The following DEPDC1B variants were observed in gnomAD, a reference collection of about 807,000 sequenced individuals.
DEPDC1B encodes the protein DEP domain containing 1B, also known as DEP domain-containing protein 1B.
In DEPDC1B, 51 loss-of-function variants were observed where a neutral mutation model predicts 66.5. That is an observed-to-expected ratio of 0.77 (90% CI 0.61 to 0.97). The LOEUF is 0.97. Among genes scored for constraint, DEPDC1B ranks in the 50% least tolerant of loss-of-function variants. DEPDC1B has a pLI of 0.00. For synonymous variants in DEPDC1B, 226 were observed against 223.6 expected (o/e 1.01, Z -0.10); for missense variants, 552 against 637.1 (o/e 0.87, Z 1.44).
intron 2 of DEPDC1B, among the ~76,000 whole-genome samples, chr5:60,684,102 GAC>G (rs1252120562): frequency 6.6e-6 from 1 of 151,852 alleles, no homozygotes; most frequent in East Asian, 1.9e-4. Context: ...ATTGAAGAGA[GAC>G]ACAAAAAAAT....
chr5:60,689,514 A>G (rs1300136523), intron 1 of DEPDC1B, among the ~76,000 whole-genome samples: 1 of 152,258 alleles, frequency 6.6e-6, no homozygotes, highest in Non-Finnish European at 1.5e-5. Context: ...TGTATATTCA[A>G]ATCTGTATCT....
intron 9 of DEPDC1B, 81 bp from the exon 10 acceptor site, chr5:60,599,341 A>G (rs1173668616): frequency 8.7e-7 from 1 of 1,146,524 alleles, no homozygotes; most frequent in African/African-American, 1.6e-5. Context: ...CAAATACAGG[A>G]TATCTCCTTG....
At chr5:60,660,085 A>C (rs1202371361) in intron 2 of DEPDC1B, among the ~76,000 whole-genome samples, 1 of 152,152 alleles carries the variant, frequency 6.6e-6, no homozygotes, top group Admixed American at 6.5e-5. Context: ...ATAGTGGCAA[A>C]TGGGGGCAAC....
At chr5:60,699,928 C>A in intron 1 of DEPDC1B, 118 bp downstream of exon 1, 1 of 1,265,126 alleles carries the variant, frequency 7.9e-7, no homozygotes, top group Admixed American at 2.1e-5. Context: ...AGCTGAAATG[C>A]TCCACACCCG....
chr5:60,600,123 G>A (rs867531476), intron 9 of DEPDC1B, among the ~76,000 whole-genome samples: 12 of 152,196 alleles, frequency 7.9e-5, no homozygotes, highest in Non-Finnish European at 4.4e-5. Context: ...TCTGAAGAGT[G>A]TGATTCTCAA....
intron 2 of DEPDC1B, among the ~76,000 whole-genome samples, chr5:60,649,996 T>C (rs775300093): frequency 5.9e-5 from 9 of 152,064 alleles, no homozygotes; most frequent in Middle Eastern, 6.8e-3. Flanking sequence ...CCCATGAAGA[T>C]ACATAGTTAC....
intron 6 of DEPDC1B, among the ~76,000 whole-genome samples, chr5:60,640,626 T>C (rs1753166860): frequency 6.6e-6 from 1 of 152,234 alleles, no homozygotes. Context: ...TTTGCATTTA[T>C]GTAGCCAGCA....
chr5:60,654,418 A>G (rs113356381), intron 2 of DEPDC1B, among the ~76,000 whole-genome samples: 3,625 of 144,494 alleles, frequency 0.025, 151 homozygotes, highest in Non-Finnish European at 0.036. Context: ...TATTGATTTG[A>G]TTCTCAGCTT....
intron 2 of DEPDC1B, among the ~76,000 whole-genome samples, chr5:60,656,446 C>A (rs531794041): frequency 6.6e-6 from 1 of 152,244 alleles, no homozygotes; most frequent in South Asian, 2.1e-4. Context: ...CCGTGCCCAG[C>A]CCCAGTCCAT....
intron 1 of DEPDC1B, among the ~76,000 whole-genome samples, chr5:60,697,494 G>A (rs1754684020): frequency 6.6e-6 from 1 of 152,168 alleles, no homozygotes; most frequent in Non-Finnish European, 1.5e-5. Flanking sequence ...CAAGTAAAAA[G>A]AGGACTAGTC....
intron 10 of DEPDC1B, 22 bp from the exon 11 acceptor site, chr5:60,597,936 G>A: frequency 6.5e-7 from 1 of 1,547,988 alleles, no homozygotes. Flanking sequence ...AATGGTCCAA[G>A]AAGAGTAAAA....
chr5:60,641,108 A>T (rs942122717), intron 6 of DEPDC1B, among the ~76,000 whole-genome samples: 2 of 152,160 alleles, frequency 1.3e-5, no homozygotes, highest in Non-Finnish European at 2.9e-5. Flanking sequence ...GAAGATCATT[A>T]GTAATTCACC....
chr5:60,604,199 A>G (rs1222101069), intron 8 of DEPDC1B, among the ~76,000 whole-genome samples: 1 of 141,266 alleles, frequency 7.1e-6, no homozygotes, highest in African/African-American at 2.5e-5. Flanking sequence ...TAATTTCCAT[A>G]GAATTGAAAT....
At chr5:60,617,825 C>A (rs1203094832) in intron 7 of DEPDC1B, among the ~76,000 whole-genome samples, 4 of 152,196 alleles carry the variant, frequency 2.6e-5, no homozygotes, top group East Asian at 1.9e-4. Flanking sequence ...CCCAAAGCAA[C>A]AGAATATACA....
At chr5:60,610,864 T>G (rs1017433985) in intron 7 of DEPDC1B, among the ~76,000 whole-genome samples, 3 of 152,224 alleles carry the variant, frequency 2.0e-5, no homozygotes, top group Non-Finnish European at 4.4e-5. Flanking sequence ...GCTGAAAGTT[T>G]GTAGATGTTT....
intron 2 of DEPDC1B, among the ~76,000 whole-genome samples, chr5:60,648,596 CA>C (rs1056878397): frequency 6.6e-6 from 1 of 152,114 alleles, no homozygotes; most frequent in African/African-American, 2.4e-5. Flanking sequence ...AATAGAGAAA[CA>C]TTTCAAAAAC....
At chr5:60,667,708 TAA>T (rs1253279153) in intron 2 of DEPDC1B, among the ~76,000 whole-genome samples, 24 of 104,152 alleles carry the variant, frequency 2.3e-4, no homozygotes, top group East Asian at 7.9e-4. Flanking sequence ...TACATGTATA[TAA>T]AATGGATATT....
intron 8 of DEPDC1B, among the ~76,000 whole-genome samples, chr5:60,604,215 A>ATTATTTTTTTTT (rs1323826916): frequency 6.7e-5 from 4 of 60,124 alleles, no homozygotes; most frequent in East Asian, 6.1e-4. Flanking sequence ...GAAATTAACT[A>ATTATTTTTTTTT]TTCTTTTTTT....
intron 2 of DEPDC1B, among the ~76,000 whole-genome samples, chr5:60,651,124 C>T (rs1343690292): frequency 6.6e-6 from 1 of 152,182 alleles, no homozygotes; most frequent in Non-Finnish European, 1.5e-5. Flanking sequence ...ACCAAAATTC[C>T]AGATCTGCAA....
Sources: gnomAD v4.1 joint callset for allele counts (sites outside exome capture counted in the v4.1 genomes callset) on GRCh38, gnomAD v4.1.1 for gene constraint, MANE v1.5 for transcripts, NCBI Gene and HGNC (gene_info 2026-07-23, HGNC 2026-07-21) for gene names.